Variants in PMVK observed in about 807,000 individuals in gnomAD.
The protein encoded by PMVK is testis tissue sperm-binding protein Li 95mP.
Under a neutral mutation model 19.0 loss-of-function variants are expected in PMVK, and 10 were observed. That is an observed-to-expected ratio of 0.53 (90% CI 0.32 to 0.89). The LOEUF (loss-of-function observed/expected upper bound fraction) is 0.89, where lower values mean the gene tolerates loss of function less well. Ranked by LOEUF, PMVK falls within the 40% of genes least tolerant of loss-of-function variation. The pLI is 0.03. For missense variants in PMVK, 222 were observed against 251.1 expected (o/e 0.88, Z 0.78); for synonymous variants, 108 against 101.6 (o/e 1.06, Z -0.38).
chr1:154,936,956 C>T, upstream of PMVK: 1 of 476,598 alleles, frequency 2.1e-6, no homozygotes, highest in Non-Finnish European at 3.9e-6. Context: ...CCCACCCGAA[C>T]TCACTTAGAA....
upstream of PMVK, among the ~76,000 whole-genome samples, chr1:154,939,241 A>G (rs1281459033): frequency 6.6e-6 from 1 of 152,120 alleles, no homozygotes; most frequent in Non-Finnish European, 1.5e-5. Context: ...AAGCTGCTCA[A>G]CCTGCAAACT....
At chr1:154,937,756 T>C (rs1171009815), upstream of PMVK, 1 of 152,188 alleles carries the variant, frequency 6.6e-6, no homozygotes, top group African/African-American at 2.4e-5. Flanking sequence ...GGAGAAACCA[T>C]TAATTTCCTG....
At position 154,924,787 on chromosome 1, in the gene PMVK, C is replaced by T. The variant is rs1046863; in HGVS notation, c.*342G>A. 22 of 282,282 alleles carry T rather than the reference C, an allele frequency of 7.8e-5. No homozygotes were observed. In the East Asian group the frequency reaches 1.1e-3, roughly 14 times the overall value. 17.5% of individuals were successfully genotyped at this position (282,282 alleles called of 1,614,324 possible). A position where few individuals can be genotyped will look rare whatever the true frequency, so the allele number is the denominator to read the frequency against. ...TATCCACACTGGGGAGCTCTGGGTT[C>T]TTGCCCAGAACAAGGGGCTGAGAAC... is the stretch of plus-strand genomic sequence containing the variant. On this transcript the variant is annotated 3_prime_UTR_variant, in exon 5 of 5. Transcript: ENST00000368467.
At chr1:154,929,429 C>T (rs556720772) in intron 2 of PMVK, among the ~76,000 whole-genome samples, 7 of 152,094 alleles carry the variant, frequency 4.6e-5, no homozygotes, top group Non-Finnish European at 1.0e-4. Context: ...AAATATGTGG[C>T]GTGGTTTCTC....
chr1:154,928,811 A>AAATAAAT (rs1654248927), intron 3 of PMVK, among the ~76,000 whole-genome samples: 1 of 151,450 alleles, frequency 6.6e-6, no homozygotes, highest in Non-Finnish European at 1.5e-5. Flanking sequence ...ATAAATAAAT[A>AAATAAAT]AATAATAAAA....
In PMVK at chr1:154,932,419, C is replaced by A. The variant is rs369880089; in HGVS notation, c.96-4G>T. ...AGCACAGACATCAGCTCCAAGTCTG[C>A]AGGACAGGGAGATCAGAATCCAGTT... On this transcript the variant is annotated splice_region_variant and splice_polypyrimidine_tract_variant and intron_variant, in intron 1 of 4. Coordinates refer to ENST00000368467, the MANE Select transcript of PMVK (RefSeq NM_006556.4). The A allele has an allele frequency of 3.1e-6, 5 of 1,602,288 alleles. No homozygotes were observed. The highest frequency in any genetic ancestry group is 1.7e-4 in the Middle Eastern group (1 of 6,028).
chr1:154,936,602 C>T lies in PMVK; in HGVS notation c.84G>A (p.Ala28=). Residue 28 remains alanine, a synonymous_variant, in exon 1 of 5, where the codon GCG becomes GCA. Transcript: ENST00000368467. ...CGCCTCACGGACACCTGCTCTGCAG[C>T]GCCTCGGTCACGAAGTCCTTCCCGG... ...RKSGKDFVTE[A]LQSRLGADVC... 1 of 1,604,156 alleles carries T rather than the reference C, an allele frequency of 6.2e-7. No homozygotes were observed. The highest frequency in any genetic ancestry group is 8.5e-7 in the Non-Finnish European group (1 of 1,175,610).
At chr1:154,939,529 CAA>C (rs758991710), upstream of PMVK, among the ~76,000 whole-genome samples, 1 of 136,296 alleles carries the variant, frequency 7.3e-6, no homozygotes, top group Admixed American at 7.3e-5. Flanking sequence ...ACTAAAAATA[CAA>C]AAAAAAAAAA....
upstream of PMVK, chr1:154,937,552 A>G (rs975575825): frequency 6.6e-6 from 1 of 152,224 alleles, no homozygotes. Flanking sequence ...GAGAGGCAGG[A>G]TAAGAATAAT....
intron 1 of PMVK, among the ~76,000 whole-genome samples, chr1:154,933,343 GA>G (rs1232278703): frequency 2.0e-5 from 3 of 151,480 alleles, no homozygotes; most frequent in Non-Finnish European, 4.4e-5. Flanking sequence ...TGAGGCAGGA[GA>G]ATCACCTGAA....
rs1654331508 is a variant in PMVK, at chr1:154,931,420, A to T, written c.159+932T>A. On this transcript the variant is annotated intron_variant, in intron 2 of 4. Transcript: ENST00000368467. Reference sequence around the variant, plus strand: ...AGATTCTGAGAGTTCCTGTTGACTTATTTTTTTTATTCTATTTTAACGATT... The same window carrying T: ...AGATTCTGAGAGTTCCTGTTGACTTTTTTTTTTTATTCTATTTTAACGATT... Among the ~76,000 whole-genome samples the T allele has an allele frequency of 2.6e-5, 4 of 151,864 alleles. No homozygotes were observed. The South Asian group carries it at 8.3e-4, about 32-fold the overall frequency.
chr1:154,931,297 G>A (rs1654327874), intron 2 of PMVK, among the ~76,000 whole-genome samples: 2 of 152,180 alleles, frequency 1.3e-5, no homozygotes, highest in Admixed American at 6.5e-5. Context: ...CGTCCCAGAA[G>A]GGTGCACCTA....
upstream of PMVK, chr1:154,937,028 G>A: frequency 4.6e-6 from 1 of 219,642 alleles, no homozygotes; most frequent in South Asian, 8.2e-5. Context: ...CACCCGGGGA[G>A]GAACCGGACG....
At chr1:154,928,285 C>T (rs1008780977) in intron 3 of PMVK, among the ~76,000 whole-genome samples, 3 of 152,206 alleles carry the variant, frequency 2.0e-5, no homozygotes, top group East Asian at 1.9e-4. Context: ...AGAAGGAGTT[C>T]GACTGACTTG....
intron 2 of PMVK, among the ~76,000 whole-genome samples, chr1:154,931,748 G>C (rs1226305192): frequency 6.9e-6 from 1 of 145,112 alleles, no homozygotes; most frequent in East Asian, 2.0e-4. Flanking sequence ...TCTACACACT[G>C]TTCTATATCT....
At chr1:154,940,674 G>A (rs1654622915), upstream of PMVK, among the ~76,000 whole-genome samples, 1 of 152,122 alleles carries the variant, frequency 6.6e-6, no homozygotes, top group African/African-American at 2.4e-5. Flanking sequence ...TTGGCAGACT[G>A]CTCCTGGCAC....
At chr1:154,936,795 A>G (rs1440957802), upstream of PMVK, 1 of 943,686 alleles carries the variant, frequency 1.1e-6, no homozygotes, top group Non-Finnish European at 1.6e-6. Flanking sequence ...ACAAGGAACA[A>G]TCGCGCCCCT....
upstream of PMVK, among the ~76,000 whole-genome samples, chr1:154,938,459 G>A (rs1311764375): frequency 4.6e-5 from 7 of 152,192 alleles, no homozygotes; most frequent in South Asian, 6.2e-4. Context: ...ATAGCTGGAC[G>A]TGGTGGCGGG....
At chr1:154,935,782 C>A (rs11581175) in intron 1 of PMVK, among the ~76,000 whole-genome samples, 31,209 of 152,114 alleles carry the variant, frequency 0.21, 7,326 homozygotes, top group African/African-American at 0.58. Flanking sequence ...CTGTAGCCCC[C>A]AGGTTCAAGC....
Sources: allele counts gnomAD v4.1 joint callset (sites outside exome capture counted in the v4.1 genomes callset), GRCh38; gene constraint gnomAD v4.1.1; transcripts MANE v1.5; gene names NCBI Gene and HGNC (gene_info 2026-07-23, HGNC 2026-07-21).